Variants in PELI2 observed in about 807,000 individuals in gnomAD.
PELI2 encodes pellino E3 ubiquitin protein ligase family member 2.
A neutral mutation model predicts 42.3 loss-of-function variants in PELI2; 23 were observed. The observed-to-expected ratio is 0.54, with a 90% CI of 0.39 to 0.77. The LOEUF (loss-of-function observed/expected upper bound fraction) is 0.77, where lower values mean the gene tolerates loss of function less well. Among genes scored for constraint, PELI2 ranks in the 30% least tolerant of loss-of-function variants. PELI2 has a pLI of 0.00. For missense variants in PELI2, 463 were observed against 553.2 expected, an observed-to-expected ratio of 0.84 and a Z score of 1.64; for synonymous variants, 245 against 212.2, an observed-to-expected ratio of 1.15 and a Z score of -1.34.
chr14:56,229,481 G>C (rs1054018447), intron 2 of PELI2, among the ~76,000 whole-genome samples: 3 of 152,280 alleles, frequency 2.0e-5, no homozygotes, highest in East Asian at 1.9e-4. Flanking sequence ...AGGCAAACGG[G>C]GTCTGGAGTA....
rs1882941280 is a variant in PELI2 at position 56,118,660 on chromosome 14, C to T, written c.-1C>T. The T allele has an allele frequency of 1.4e-6, 2 of 1,445,442 alleles. No homozygotes were observed. Among genetic ancestry groups the T allele is most frequent in the Non-Finnish European group, 1.8e-6 (2 of 1,093,010 alleles). The allele number at this position is 1,445,442 out of a possible 1,614,324, so 89.5% of individuals were successfully genotyped here. On this transcript the variant is annotated 5_prime_UTR_variant, in exon 1 of 6. Coordinates refer to ENST00000267460, the MANE Select transcript of PELI2 (RefSeq NM_021255.3). ...CGGCGTCGGCGGCCGAGCGGGGCTC[C>T]ATGTTTTCCCCTGGCCAGGAGGAAC...
intron 1 of PELI2, among the ~76,000 whole-genome samples, chr14:56,135,373 G>A (rs1224548919): frequency 6.6e-6 from 1 of 152,166 alleles, no homozygotes; most frequent in Non-Finnish European, 1.5e-5. Flanking sequence ...GTATCTGGCC[G>A]ATTATTTTTT....
Position 56,220,984 on chromosome 14 carries a change from G to C in PELI2, c.207+42520G>C, listed in dbSNP as rs144506150. ...GAAGGAGAGGAGGCACATAGCCCTC[G>C]TTTATAAGCCAGGTGACCGTTAGGC... On this transcript the variant is annotated intron_variant, in intron 2 of 5. Coordinates refer to ENST00000267460, the MANE Select transcript of PELI2 (RefSeq NM_021255.3). Among the ~76,000 whole-genome samples, 753 of 152,232 alleles carry C rather than the reference G, an allele frequency of 4.9e-3. 8 individuals are homozygous for C. The highest frequency in any genetic ancestry group is 0.017 in the African/African-American group (691 of 41,536).
chr14:56,229,983 T>A (rs1887499401), intron 2 of PELI2, among the ~76,000 whole-genome samples: 1 of 152,176 alleles, frequency 6.6e-6, no homozygotes, highest in South Asian at 2.1e-4. Context: ...TTCAATCAAG[T>A]TGAAGACAGG....
chr14:56,156,739 A>G lies in PELI2; in HGVS notation c.78-21596A>G, dbSNP rs376550477. ...AGATTTTAAATTTTATATAACTGCA[A>G]TTAATTCAAATTAAAATTTAAATGG... is the stretch of plus-strand genomic sequence containing the variant. On this transcript the variant is annotated intron_variant, in intron 1 of 5. Coordinates refer to ENST00000267460, the MANE Select transcript of PELI2 (RefSeq NM_021255.3). 4.6e-5 allele frequency among the ~76,000 whole-genome samples: 7 copies of G among 152,360 alleles called. No homozygotes were observed. In the South Asian group the frequency reaches 8.3e-4, roughly 18 times the overall value.
intron 2 of PELI2, among the ~76,000 whole-genome samples, chr14:56,210,817 A>G (rs959023443): frequency 2.0e-5 from 3 of 152,150 alleles, no homozygotes; most frequent in African/African-American, 7.2e-5. Flanking sequence ...CGGTAAGTTG[A>G]GGGGGATGGG....
chr14:56,173,974 C>T (rs1335101633), intron 1 of PELI2, among the ~76,000 whole-genome samples: 1 of 151,898 alleles, frequency 6.6e-6, no homozygotes, highest in Non-Finnish European at 1.5e-5. Context: ...CGATCTCGGC[C>T]CACTGAAACC....
intron 2 of PELI2, among the ~76,000 whole-genome samples, chr14:56,208,775 G>A (rs987270346): frequency 6.6e-6 from 1 of 152,154 alleles, no homozygotes; most frequent in African/African-American, 2.4e-5. Flanking sequence ...AAGCACTTGT[G>A]CAGTTGTTTT....
chr14:56,232,935 A>G (rs536437871), intron 2 of PELI2, among the ~76,000 whole-genome samples: 16 of 152,244 alleles, frequency 1.1e-4, no homozygotes, highest in African/African-American at 3.1e-4. Context: ...TCAATGTGCA[A>G]AAATCACAAG....
At chr14:56,296,544 T>TG (rs1235540948) in intron 5 of PELI2, 56 bp from the exon 6 acceptor site, 6 of 1,168,354 alleles carry the variant, frequency 5.1e-6, no homozygotes, top group South Asian at 1.4e-5. Context: ...GAAAGAATCT[T>TG]GGAGTGATTT....
At position 56,230,169 on chromosome 14, in the gene PELI2, A is replaced by C. The variant is rs56314576; in HGVS notation, c.208-49507A>C. ...GGGGAGAATGGAACCAAGTTGGGAA[A>C]CACTCTTCAGGGTATTATCCAGGAG... is the stretch of plus-strand genomic sequence containing the variant. On this transcript the variant is annotated intron_variant, in intron 2 of 5. Transcript: ENST00000267460. Among the ~76,000 whole-genome samples the C allele has an allele frequency of 4.4e-3, 663 of 152,338 alleles. 2 individuals carry two copies. Among genetic ancestry groups the C allele is most frequent in the Non-Finnish European group, 7.9e-3 (535 of 68,034 alleles).
chr14:56,214,055 G>A (rs1886807383), intron 2 of PELI2, among the ~76,000 whole-genome samples: 1 of 152,156 alleles, frequency 6.6e-6, no homozygotes, highest in Non-Finnish European at 1.5e-5. Context: ...GTTTCACCGT[G>A]TTGGCCAGGA....
chr14:56,285,556 G>GA (rs1889617679), intron 3 of PELI2, among the ~76,000 whole-genome samples: 1 of 151,972 alleles, frequency 6.6e-6, no homozygotes, highest in Admixed American at 6.6e-5. Flanking sequence ...GGGAAGGGGG[G>GA]ACTATTTACC....
intron 1 of PELI2, among the ~76,000 whole-genome samples, chr14:56,135,679 C>CTG (rs2139595118): frequency 6.6e-6 from 1 of 152,254 alleles, no homozygotes; most frequent in African/African-American, 2.4e-5. Flanking sequence ...AAATCTGGAA[C>CTG]TGTTGTTTCT....
intron 1 of PELI2, among the ~76,000 whole-genome samples, chr14:56,154,011 A>G (rs1482763084): frequency 2.0e-5 from 3 of 152,226 alleles, no homozygotes; most frequent in African/African-American, 4.8e-5. Flanking sequence ...TTAACAAAAT[A>G]TACACTTTAA....
chr14:56,229,159 G>C (rs7144183), intron 2 of PELI2, among the ~76,000 whole-genome samples: 60,895 of 152,188 alleles, frequency 0.4, 12,988 homozygotes, highest in South Asian at 0.53. Context: ...GACTCCACCT[G>C]TGGGGGCAGG....
chr14:56,146,130 G>A (rs568018869), intron 1 of PELI2, among the ~76,000 whole-genome samples: 2 of 152,282 alleles, frequency 1.3e-5, no homozygotes, highest in South Asian at 2.1e-4. Flanking sequence ...CCTCTCCTGC[G>A]TGGGATGACT....
At chr14:56,132,294 G>A (rs1883516564) in intron 1 of PELI2, among the ~76,000 whole-genome samples, 1 of 152,214 alleles carries the variant, frequency 6.6e-6, no homozygotes, top group African/African-American at 2.4e-5. Flanking sequence ...CTCAAAGCCT[G>A]TGTATACATC....
intron 2 of PELI2, among the ~76,000 whole-genome samples, chr14:56,179,696 A>C (rs1885514758): frequency 6.6e-6 from 1 of 152,212 alleles, no homozygotes; most frequent in South Asian, 2.1e-4. Flanking sequence ...AAATAACAAC[A>C]GAATCTTAAG....
Sources: gnomAD v4.1 joint callset for allele counts (sites outside exome capture counted in the v4.1 genomes callset) on GRCh38, gnomAD v4.1.1 for gene constraint, MANE v1.5 for transcripts, NCBI Gene and HGNC (gene_info 2026-07-23, HGNC 2026-07-21) for gene names.